The following CSMD1 variants were observed in gnomAD, a reference collection of about 807,000 sequenced individuals.
The protein encoded by CSMD1 is CUB and Sushi multiple domains 1.
Under a neutral mutation model 417.5 loss-of-function variants are expected in CSMD1, and 213 were observed. The ratio of observed to expected loss-of-function variants is 0.51; its 90% CI spans 0.46 to 0.57. CSMD1 has a LOEUF of 0.57. Ranked by LOEUF, CSMD1 falls within the 20% of genes least tolerant of loss-of-function variation. CSMD1 has a pLI of 0.00. For missense variants in CSMD1, 6,923 were observed against 4,529.7 expected (o/e 1.53, Z -15.17); for synonymous variants, 2,862 against 1,736.8 (o/e 1.65, Z -16.11).
At chr8:4,358,357 T>C (rs1014311580) in intron 3 of CSMD1, among the ~76,000 whole-genome samples, 3 of 152,216 alleles carry the variant, frequency 2.0e-5, no homozygotes, top group Non-Finnish European at 2.9e-5. Flanking sequence ...AGAATGATTT[T>C]ACACTTTTTA....
At chr8:3,621,533 T>C (rs965135191) in intron 7 of CSMD1, among the ~76,000 whole-genome samples, 1 of 152,148 alleles carries the variant, frequency 6.6e-6, no homozygotes, top group African/African-American at 2.4e-5. Context: ...GTGATGGATG[T>C]ACAATAGCAT....
chr8:3,841,368 T>G (rs1045210508), intron 5 of CSMD1, among the ~76,000 whole-genome samples: 9 of 152,196 alleles, frequency 5.9e-5, no homozygotes, highest in African/African-American at 2.2e-4. Context: ...GCTTTCGTTA[T>G]GTGGTTCTCA....
chr8:3,918,102 G>C (rs372533418), intron 5 of CSMD1, among the ~76,000 whole-genome samples: 1 of 151,922 alleles, frequency 6.6e-6, no homozygotes, highest in African/African-American at 2.4e-5. Context: ...TGATCAAAGT[G>C]CATTTATGTT....
chr8:4,777,941 G>C (rs926776307), intron 1 of CSMD1, among the ~76,000 whole-genome samples: 42 of 152,194 alleles, frequency 2.8e-4, no homozygotes, highest in African/African-American at 9.9e-4. Flanking sequence ...TACGGTTGTA[G>C]TAGGGATGTG....
intron 9 of CSMD1, among the ~76,000 whole-genome samples, chr8:3,576,367 A>ATC (rs112536515): frequency 7.9e-5 from 12 of 151,504 alleles, no homozygotes; most frequent in East Asian, 1.9e-4. Context: ...TTCATCTGAG[A>ATC]TCTCTCCTAA....
intron 3 of CSMD1, among the ~76,000 whole-genome samples, chr8:4,135,831 T>C (rs933741692): frequency 6.6e-6 from 1 of 152,174 alleles, no homozygotes; most frequent in Non-Finnish European, 1.5e-5. Context: ...GGGATAGATG[T>C]AACTACAAAT....
intron 41 of CSMD1, among the ~76,000 whole-genome samples, chr8:3,122,955 G>T (rs1817291834): frequency 1.3e-5 from 2 of 152,084 alleles, no homozygotes; most frequent in South Asian, 4.2e-4. Context: ...ATCATACTTG[G>T]CTTCAAGGAA....
At chr8:4,161,632 AG>A (rs1183312658) in intron 3 of CSMD1, among the ~76,000 whole-genome samples, 1 of 152,190 alleles carries the variant, frequency 6.6e-6, no homozygotes, top group Non-Finnish European at 1.5e-5. Context: ...AAATGTCAAA[AG>A]TTTAATGTGT....
At chr8:3,209,868 C>T (rs1161877672) in intron 30 of CSMD1, among the ~76,000 whole-genome samples, 3 of 152,062 alleles carry the variant, frequency 2.0e-5, no homozygotes, top group East Asian at 1.9e-4. Context: ...ATATACATCT[C>T]GTACATAAAA....
chr8:3,587,939 T>A (rs1271922181), intron 8 of CSMD1, among the ~76,000 whole-genome samples: 1 of 151,906 alleles, frequency 6.6e-6, no homozygotes, highest in Non-Finnish European at 1.5e-5. Flanking sequence ...ATGTGAAAAA[T>A]ACAAAAAAAC....
intron 1 of CSMD1, among the ~76,000 whole-genome samples, chr8:4,964,579 A>G (rs1016805831): frequency 6.6e-5 from 10 of 151,654 alleles, no homozygotes; most frequent in Admixed American, 5.3e-4. Context: ...CAGAACCAAG[A>G]AGGACAAGAA....
At chr8:3,318,831 G>C (rs908865394) in intron 23 of CSMD1, among the ~76,000 whole-genome samples, 1 of 152,150 alleles carries the variant, frequency 6.6e-6, no homozygotes, top group African/African-American at 2.4e-5. Context: ...AATAAATGCA[G>C]CTGCTTCCAA....
chr8:4,346,985 G>A (rs943388163), intron 3 of CSMD1, among the ~76,000 whole-genome samples: 6 of 152,166 alleles, frequency 3.9e-5, no homozygotes, highest in Non-Finnish European at 8.8e-5. Context: ...GAGGGTGCTT[G>A]TGGCTGAGGA....
At chr8:3,958,979 C>G (rs983102699) in intron 5 of CSMD1, among the ~76,000 whole-genome samples, 12 of 152,200 alleles carry the variant, frequency 7.9e-5, no homozygotes, top group African/African-American at 2.9e-4. Flanking sequence ...AGCTCCCGGT[C>G]TGGGCCTTCT....
intron 5 of CSMD1, among the ~76,000 whole-genome samples, chr8:3,991,890 G>C (rs540269104): frequency 5.3e-5 from 8 of 152,072 alleles, no homozygotes; most frequent in Non-Finnish European, 1.0e-4. Flanking sequence ...AATGGGAATA[G>C]TAGTATCTCC....
chr8:4,330,965 ACCC>A (rs1286561646), intron 3 of CSMD1, among the ~76,000 whole-genome samples: 2 of 151,910 alleles, frequency 1.3e-5, no homozygotes, highest in Admixed American at 6.6e-5. Flanking sequence ...TAAATGCAAG[ACCC>A]CCCGACATAT....
chr8:4,992,321 C>G (rs1274384973), intron 1 of CSMD1, among the ~76,000 whole-genome samples: 2 of 152,180 alleles, frequency 1.3e-5, no homozygotes, highest in African/African-American at 2.4e-5. Flanking sequence ...ATTAAGCAGC[C>G]GAGCTAGGGC....
intron 41 of CSMD1, among the ~76,000 whole-genome samples, chr8:3,121,944 T>C (rs945037161): frequency 2.0e-5 from 3 of 152,224 alleles, no homozygotes; most frequent in Non-Finnish European, 4.4e-5. Context: ...ATTTTATTTA[T>C]AATGCACCTA....
At chr8:3,143,514 T>G (rs1015652575) in intron 40 of CSMD1, among the ~76,000 whole-genome samples, 1 of 152,068 alleles carries the variant, frequency 6.6e-6, no homozygotes. Flanking sequence ...TAATTGAGAG[T>G]TATTTGCATT....
Sources: gnomAD v4.1 joint callset for allele counts (sites outside exome capture counted in the v4.1 genomes callset) on GRCh38, gnomAD v4.1.1 for gene constraint, MANE v1.5 for transcripts, NCBI Gene and HGNC (gene_info 2026-07-23, HGNC 2026-07-21) for gene names.